Variants in SHISA9 observed in about 807,000 individuals in gnomAD.
SHISA9 encodes the protein protein shisa-9.
In SHISA9, 13 loss-of-function variants were observed where a neutral mutation model predicts 38.0. That is an observed-to-expected ratio of 0.34 (90% CI 0.22 to 0.54). The LOEUF (loss-of-function observed/expected upper bound fraction) is 0.54. Among genes scored for constraint, SHISA9 ranks in the 20% least tolerant of loss-of-function variants. The pLI is 0.91. For synonymous variants in SHISA9, 275 were observed against 242.0 expected (o/e 1.14, Z -1.27); for missense variants, 538 against 575.8 (o/e 0.93, Z 0.67).
At chr16:13,377,555 C>T in the SHISA9 span, among the ~76,000 whole-genome samples, 2 of 152,228 alleles carry the variant, frequency 1.3e-5, no homozygotes, top group African/African-American at 2.4e-5. Flanking sequence ...GATTTTGATC[C>T]CGATCACCTT....
intron 2 of SHISA9, among the ~76,000 whole-genome samples, chr16:12,943,276 T>G (rs901697290): frequency 3.1e-5 from 2 of 64,238 alleles, no homozygotes; most frequent in Non-Finnish European, 5.8e-5. Context: ...CAGAGTATGG[T>G]GTGTGTGTGT....
the SHISA9 span, among the ~76,000 whole-genome samples, chr16:13,310,245 A>G: frequency 2.6e-5 from 4 of 151,974 alleles, no homozygotes; most frequent in African/African-American, 4.8e-5. Context: ...TTTCCATTCA[A>G]CTCGTGTTAC....
rs544824034 is a variant in SHISA9 at position 13,034,397 on chromosome 16, C to A, written c.691+117582C>A. 8.5e-5 allele frequency among the ~76,000 whole-genome samples: 13 copies of A among 152,292 alleles called. No individual in the cohort carries two copies. In the South Asian group the frequency reaches 1.5e-3, roughly 17 times the overall value. On this transcript the variant is annotated intron_variant, in intron 2 of 4. Coordinates refer to ENST00000558583, the MANE Select transcript of SHISA9 (RefSeq NM_001145204.3). ...AATGAGCAGTGATGCCAACTCACACCTTATGAAAGTCAGGTCATTGGGATG... is the reference window on the plus strand; with the variant it reads ...AATGAGCAGTGATGCCAACTCACACATTATGAAAGTCAGGTCATTGGGATG...
intron 2 of SHISA9, among the ~76,000 whole-genome samples, chr16:12,999,906 A>G (rs1338212635): frequency 6.6e-6 from 1 of 152,214 alleles, no homozygotes; most frequent in Non-Finnish European, 1.5e-5. Context: ...ATGGCCACAC[A>G]GAATGCAATG....
At chr16:13,345,086 C>A in the SHISA9 span, among the ~76,000 whole-genome samples, 1 of 152,108 alleles carries the variant, frequency 6.6e-6, no homozygotes. Context: ...AAGCTGCTTG[C>A]TTGGGTACAT....
the SHISA9 span, among the ~76,000 whole-genome samples, chr16:13,394,259 G>A: frequency 4.6e-5 from 7 of 152,204 alleles, no homozygotes; most frequent in African/African-American, 7.2e-5. Context: ...AAACCCAGAA[G>A]AGATACAGCC....
the SHISA9 span, among the ~76,000 whole-genome samples, chr16:13,276,041 T>C: frequency 6.6e-6 from 1 of 152,080 alleles, no homozygotes; most frequent in African/African-American, 2.4e-5. Context: ...CAGTATACAC[T>C]GGACCATATT....
the SHISA9 span, among the ~76,000 whole-genome samples, chr16:13,520,923 G>A: frequency 7.2e-5 from 11 of 152,258 alleles, no homozygotes; most frequent in African/African-American, 2.2e-4. Context: ...CACACATTGT[G>A]CAATGATCAA....
At chr16:13,149,616 C>G (rs1412604961) in intron 2 of SHISA9, among the ~76,000 whole-genome samples, 1 of 151,964 alleles carries the variant, frequency 6.6e-6, no homozygotes, top group Non-Finnish European at 1.5e-5. Context: ...ATGGGGGTGG[C>G]TCTGACATTC....
the SHISA9 span, among the ~76,000 whole-genome samples, chr16:13,351,544 C>G: frequency 3.3e-5 from 5 of 152,192 alleles, no homozygotes; most frequent in Non-Finnish European, 7.3e-5. Flanking sequence ...CACCCCACCC[C>G]TGCCATCCTC....
At chr16:13,331,027 T>C in the SHISA9 span, among the ~76,000 whole-genome samples, 1 of 152,148 alleles carries the variant, frequency 6.6e-6, no homozygotes, top group Non-Finnish European at 1.5e-5. Context: ...GTTGCCACCT[T>C]GAATAACCAC....
intron 2 of SHISA9, among the ~76,000 whole-genome samples, chr16:12,996,289 T>G (rs2072456293): frequency 6.6e-6 from 1 of 152,208 alleles, no homozygotes; most frequent in Non-Finnish European, 1.5e-5. Flanking sequence ...TTTTGGCTTC[T>G]CTTGAAGAAA....
intron 2 of SHISA9, among the ~76,000 whole-genome samples, chr16:13,154,290 A>T (rs780716272): frequency 6.6e-6 from 1 of 152,182 alleles, no homozygotes; most frequent in Non-Finnish European, 1.5e-5. Context: ...TCTCCTCCCA[A>T]GCACAAGAGA....
chr16:13,231,202 G>C (rs1215163036), intron 4 of SHISA9, among the ~76,000 whole-genome samples: 1 of 152,168 alleles, frequency 6.6e-6, no homozygotes, highest in Admixed American at 6.5e-5. Context: ...CAAGTTTCTG[G>C]CTTAAGTGGC....
At chr16:12,981,526 C>T (rs778737466) in intron 2 of SHISA9, among the ~76,000 whole-genome samples, 1 of 152,184 alleles carries the variant, frequency 6.6e-6, no homozygotes, top group Non-Finnish European at 1.5e-5. Context: ...TACCACAGGT[C>T]CTCTGCTTTC....
rs113968316 is a variant in SHISA9, at chr16:12,925,473, G to GTGTGTGTGTA, written c.691+8658_691+8659insTGTGTGTGTA. 7.8e-3 allele frequency among the ~76,000 whole-genome samples: 1,175 copies of GTGTGTGTGTA among 150,596 alleles called. 24 individuals are homozygous for GTGTGTGTGTA. The highest frequency in any genetic ancestry group is 0.026 in the African/African-American group (1,081 of 40,990). On this transcript the variant is annotated intron_variant, in intron 2 of 4. Transcript: ENST00000558583. Reference sequence around the variant, plus strand: ...TGTGTGTGTGTGTGTGTGTGTGTGTGCAAGCAACAGAGAAAGACAACCCTT... The same window carrying GTGTGTGTGTA: ...TGTGTGTGTGTGTGTGTGTGTGTGTGTGTGTGTGTACAAGCAACAGAGAAAGACAACCCTT...
chr16:13,215,725 C>A (rs764407872), intron 4 of SHISA9, among the ~76,000 whole-genome samples: 1 of 152,106 alleles, frequency 6.6e-6, no homozygotes, highest in Non-Finnish European at 1.5e-5. Context: ...CCTGCCTTGT[C>A]GGGGGAGAGG....
chr16:13,361,271 T>C, the SHISA9 span, among the ~76,000 whole-genome samples: 1 of 152,236 alleles, frequency 6.6e-6, no homozygotes, highest in Non-Finnish European at 1.5e-5. Flanking sequence ...TTTTATTTTG[T>C]CTTGAATAAA....
chr16:13,028,516 A>T (rs1462501482), intron 2 of SHISA9, among the ~76,000 whole-genome samples: 1 of 152,200 alleles, frequency 6.6e-6, no homozygotes, highest in African/African-American at 2.4e-5. Context: ...GAGACCCCTT[A>T]TAAAACCATC....
Sources: gnomAD v4.1 joint callset for allele counts (sites outside exome capture counted in the v4.1 genomes callset) on GRCh38, gnomAD v4.1.1 for gene constraint, MANE v1.5 for transcripts, NCBI Gene and HGNC (gene_info 2026-07-23, HGNC 2026-07-21) for gene names.